Variants in PIK3C2A observed in about 807,000 individuals in gnomAD.
PIK3C2A encodes the protein phosphatidylinositol-4-phosphate 3-kinase catalytic subunit type 2 alpha.
A neutral mutation model predicts 204.5 loss-of-function variants in PIK3C2A; 97 were observed. The observed-to-expected ratio is 0.47, with a 90% CI of 0.40 to 0.56. The LOEUF (loss-of-function observed/expected upper bound fraction) is 0.56. Among genes scored for constraint, PIK3C2A ranks in the 20% least tolerant of loss-of-function variants. The pLI is 0.00. For synonymous variants in PIK3C2A, 653 were observed against 664.4 expected (o/e 0.98, Z 0.26); for missense variants, 1,735 against 1,969.2 (o/e 0.88, Z 2.25).
intron 18 of PIK3C2A, 70 bp downstream of exon 18, chr11:17,118,575 C>A: frequency 1.4e-6 from 1 of 740,112 alleles, no homozygotes; most frequent in Non-Finnish European, 2.4e-6. Flanking sequence ...ACCATTTAGA[C>A]TTACAGGGTA....
intron 2 of PIK3C2A, among the ~76,000 whole-genome samples, chr11:17,159,451 T>C (rs1467956049): frequency 3.3e-5 from 5 of 152,250 alleles, no homozygotes. Flanking sequence ...AAAATCCATG[T>C]AGATGTTTAG....
chr11:17,109,537 A>C (rs1848931608), intron 22 of PIK3C2A, among the ~76,000 whole-genome samples: 1 of 152,246 alleles, frequency 6.6e-6, no homozygotes, highest in African/African-American at 2.4e-5. Flanking sequence ...AATGAAATCA[A>C]AGTTGATTTA....
rs2137259656 is a variant in PIK3C2A at position 17,091,443 on chromosome 11, G to A, written c.4769C>T (p.Ala1590Val). ...HIKDLVTEDG[A>V]DPNPYVKTYL... ...TGTTTTGACATATGGATTTGGGTCA[G>A]CTCCATCTTCAGTAACCTAAAAAGA... The change falls in exon 32 of 33, where the codon GCT (alanine) becomes GTT (valine). Residue 1590 changes from alanine (A) to valine (V), a missense_variant. By Grantham distance (64) the Ala-to-Val change is moderately conservative (BLOSUM62 0). Coordinates refer to ENST00000691414, the MANE Select transcript of PIK3C2A (RefSeq NM_002645.4). The A allele has an allele frequency of 6.2e-7, 1 of 1,612,828 alleles. No individual in the cohort carries two copies.
chr11:17,120,020 G>A, intron 15 of PIK3C2A, 46 bp from the exon 16 acceptor site: 2 of 776,182 alleles, frequency 2.6e-6, no homozygotes, highest in South Asian at 5.2e-5. Context: ...ATAACATAAT[G>A]ATATAATCTC....
chr11:17,149,119 T>C (rs768180823), intron 4 of PIK3C2A, among the ~76,000 whole-genome samples: 2 of 152,324 alleles, frequency 1.3e-5, no homozygotes, highest in Middle Eastern at 3.4e-3. Context: ...CTTTTTTTCT[T>C]GTCATTATTC....
At chr11:17,096,939 G>A (rs1848471848) in intron 27 of PIK3C2A, 118 bp downstream of exon 27, 2 of 639,534 alleles carry the variant, frequency 3.1e-6, no homozygotes, top group African/African-American at 1.8e-5. Context: ...GACCATTCAT[G>A]AAAGAAACAA....
chr11:17,145,973 C>T (rs1290709592), intron 6 of PIK3C2A, 31 bp from the exon 7 acceptor site: 1 of 1,505,262 alleles, frequency 6.6e-7, no homozygotes, highest in Non-Finnish European at 9.2e-7. Context: ...AAAAAAATCA[C>T]ATCCACTCTT....
At chr11:17,193,533 T>C (rs970092202) in intron 1 of PIK3C2A, 6 of 444,596 alleles carry the variant, frequency 1.3e-5, no homozygotes, top group African/African-American at 1.0e-4. Flanking sequence ...TTCCCGAAAA[T>C]GGCACAGAAA....
chr11:17,201,150 G>A (rs1423975251), intron 1 of PIK3C2A, among the ~76,000 whole-genome samples: 1 of 152,006 alleles, frequency 6.6e-6, no homozygotes, highest in Non-Finnish European at 1.5e-5. Context: ...AGGTTGCAGT[G>A]AGCCAAGATC....
At chr11:17,161,407 T>G (rs901741302) in intron 2 of PIK3C2A, among the ~76,000 whole-genome samples, 3 of 152,224 alleles carry the variant, frequency 2.0e-5, no homozygotes, top group Non-Finnish European at 4.4e-5. Flanking sequence ...TGGGGATATG[T>G]TTAAAATGTT....
rs747088360 is a variant in PIK3C2A, at chr11:17,101,334, G to A, written c.3952C>T (p.Gln1318Ter). 1 of 1,588,766 alleles carries A rather than the reference G, an allele frequency of 6.3e-7. No individual in the cohort carries two copies. The highest frequency in any genetic ancestry group is 8.6e-7 in the Non-Finnish European group (1 of 1,161,706). Reference sequence around the variant, plus strand: ...TGCTTTCTTATCAAGTTGTAGGCCTGACAGCAGAGGTCCACAAACAACTGA... The same window carrying A: ...TGCTTTCTTATCAAGTTGTAGGCCTAACAGCAGAGGTCCACAAACAACTGA... Reference protein sequence around the residue: ...RFQLFVDLCCQAYNLIRKQTN... With the variant: ...RFQLFVDLCC The change falls in exon 25 of 33, where the codon CAG (glutamine) becomes TAG (stop). Residue 1318 changes from glutamine to a stop codon, truncating the protein, a stop_gained. Transcript: ENST00000691414. LOFTEE classifies it high-confidence loss of function.
At chr11:17,119,482 T>C (rs1045364909) in intron 16 of PIK3C2A, among the ~76,000 whole-genome samples, 169 bp from the exon 17 acceptor site, 52 of 152,224 alleles carry the variant, frequency 3.4e-4, no homozygotes, top group African/African-American at 1.2e-3. Flanking sequence ...TATTGTGCTA[T>C]ACAGATTCAA....
At position 17,169,210 on chromosome 11, in the gene PIK3C2A, T is replaced by A; in HGVS notation, c.532A>T (p.Thr178Ser). ...FQNGFNPRMP[T>S]FPSTEPIYLS... is the part of the protein sequence containing the mutation. ...TATATAGGTTCTGTAGATGGAAAAG[T>A]GGGCATTCTTGGATTGAAGCCATTT... The change falls in exon 2 of 33, where the codon ACT becomes TCT. Residue 178 changes from threonine (T) to serine (S), a missense_variant. Thr to Ser is a moderately conservative substitution (Grantham distance 58). This residue lies in a region of PIK3C2A where 536 missense variants were observed against 546.7 expected (regional missense o/e 0.98). Coordinates refer to ENST00000691414, the MANE Select transcript of PIK3C2A (RefSeq NM_002645.4). 1 of 1,614,132 alleles carries A rather than the reference T, an allele frequency of 6.2e-7. No individual in the cohort carries two copies. The highest frequency in any genetic ancestry group is 8.5e-7 in the Non-Finnish European group (1 of 1,180,010).
At chr11:17,112,480 AT>A (rs1199086484) in intron 21 of PIK3C2A, 93 bp downstream of exon 21, 5 of 576,340 alleles carry the variant, frequency 8.7e-6, no homozygotes, top group African/African-American at 6.0e-5. Flanking sequence ...AATAAAAAAA[AT>A]ATTAAACAAA....
intron 23 of PIK3C2A, among the ~76,000 whole-genome samples, chr11:17,103,379 T>C (rs1848705426): frequency 6.6e-6 from 1 of 152,090 alleles, no homozygotes; most frequent in South Asian, 2.1e-4. Context: ...TAATATAATA[T>C]TGTATAGAAG....
In PIK3C2A at chr11:17,169,814, T is replaced by G; in HGVS notation, c.-65-8A>C. On this transcript the variant is annotated splice_region_variant and splice_polypyrimidine_tract_variant and intron_variant, in intron 1 of 32. Transcript: ENST00000691414. ...CTTCCAAAATAGCAAGGCCTATACA[T>G]AAAAATAAACATAACACTCAATTAG... 1 of 959,042 alleles carries G rather than the reference T, an allele frequency of 1.0e-6. No individual in the cohort carries two copies. Among genetic ancestry groups the G allele is most frequent in the Non-Finnish European group, 1.5e-6 (1 of 646,104 alleles). The allele number at this position is 959,042 out of a possible 1,614,324, so 59.4% of individuals were successfully genotyped here. A position where few individuals can be genotyped will look rare whatever the true frequency, so the allele number is the denominator to read the frequency against.
chr11:17,134,823 A>T lies in PIK3C2A; in HGVS notation c.2104T>A (p.Ser702Thr). Reference protein sequence around the residue: ...AAHGISSNWVSNYEKYYLICS... With the variant: ...AAHGISSNWVTNYEKYYLICS... ...GCTGCTTAAACAGTTACTTACTTTG[A>T]TACCCAATTACTTGAAATTCCATGA... The change falls in exon 11 of 33, where the codon TCA becomes ACA. Residue 702 changes from serine to threonine, a missense_variant. Coordinates refer to ENST00000691414, the MANE Select transcript of PIK3C2A (RefSeq NM_002645.4). 6.2e-7 allele frequency: 1 copy of T among 1,610,854 alleles called. No homozygotes were observed. The highest frequency in any genetic ancestry group is 8.5e-7 in the Non-Finnish European group (1 of 1,177,006).
intron 1 of PIK3C2A, among the ~76,000 whole-genome samples, chr11:17,207,305 G>C (rs1852615361): frequency 6.6e-6 from 1 of 152,118 alleles, no homozygotes; most frequent in Non-Finnish European, 1.5e-5. Context: ...GTGGATTCGC[G>C]GCTAAAGGCA....
chr11:17,159,467 C>G (rs76089800), intron 2 of PIK3C2A, among the ~76,000 whole-genome samples: 258 of 152,340 alleles, frequency 1.7e-3, no homozygotes, highest in African/African-American at 5.9e-3. Context: ...TTTAGGTCAT[C>G]GTCTAGAAAT....
Sources: allele counts gnomAD v4.1 joint callset (sites outside exome capture counted in the v4.1 genomes callset), GRCh38; gene constraint gnomAD v4.1.1; regional missense constraint gnomAD v4.1.1; transcripts MANE v1.5; gene names NCBI Gene and HGNC (gene_info 2026-07-23, HGNC 2026-07-21).